Variants in DLG2 observed in about 807,000 individuals in gnomAD.
DLG2 encodes discs large MAGUK scaffold protein 2, also known as disks large homolog 2.
Under a neutral mutation model 132.5 loss-of-function variants are expected in DLG2, and 45 were observed. That is an observed-to-expected ratio of 0.34 (90% CI 0.27 to 0.44). The LOEUF (loss-of-function observed/expected upper bound fraction) is 0.44. Among genes scored for constraint, DLG2 ranks in the 20% least tolerant of loss-of-function variants. DLG2 has a pLI of 1.00. For missense variants in DLG2, 1,045 were observed against 1,196.9 expected (o/e 0.87, Z 1.87); for synonymous variants, 424 against 419.6 (o/e 1.01, Z -0.13).
intron 7 of DLG2, among the ~76,000 whole-genome samples, chr11:84,498,100 T>C (rs1157571048): frequency 2.6e-5 from 4 of 152,186 alleles, no homozygotes; most frequent in Admixed American, 6.5e-5. Context: ...TCACCGCCTA[T>C]CTATCCATGT....
At chr11:83,461,724 T>C (rs2090066708) in intron 27 of DLG2, 1 of 340,048 alleles carries the variant, frequency 2.9e-6, no homozygotes, top group African/African-American at 2.1e-5. Context: ...CAAATCCTTT[T>C]CATGGTAGGA....
At chr11:85,076,267 G>A (rs2066535179) in intron 6 of DLG2, among the ~76,000 whole-genome samples, 1 of 151,918 alleles carries the variant, frequency 6.6e-6, no homozygotes, top group Admixed American at 6.6e-5. Context: ...GAAGCAACAT[G>A]TATTTGGGTT....
intron 6 of DLG2, among the ~76,000 whole-genome samples, chr11:84,773,568 A>T (rs1224709277): frequency 2.0e-5 from 3 of 152,134 alleles, no homozygotes; most frequent in African/African-American, 7.2e-5. Flanking sequence ...AAAAAGCTAA[A>T]CCACCACGAT....
Position 83,711,995 on chromosome 11 carries a change from C to T in DLG2, c.1825+74695G>A, listed in dbSNP as rs541137281. The stretch of plus-strand genomic sequence containing the variant: ...AAAAAGTCAAAAAGCAAAAAACAAA[C>T]AAACAAACAAAAAAACCGGATCTTG... On this transcript the variant is annotated intron_variant, in intron 18 of 27. Transcript: ENST00000376104. Among the ~76,000 whole-genome samples, 12 of 152,066 alleles carry T rather than the reference C, an allele frequency of 7.9e-5. No homozygotes were observed. The East Asian group carries it at 2.3e-3, about 29-fold the overall frequency.
intron 7 of DLG2, among the ~76,000 whole-genome samples, chr11:84,521,301 C>T (rs1049745289): frequency 6.6e-6 from 1 of 152,064 alleles, no homozygotes. Flanking sequence ...ATAAGTGAAC[C>T]TCTGTGATCT....
At chr11:84,958,440 T>A (rs762530601) in intron 6 of DLG2, among the ~76,000 whole-genome samples, 1 of 152,230 alleles carries the variant, frequency 6.6e-6, no homozygotes, top group Non-Finnish European at 1.5e-5. Context: ...TTTAGCTCCT[T>A]GGTCAAAAAC....
At chr11:83,997,312 A>C (rs1483447086) in intron 11 of DLG2, among the ~76,000 whole-genome samples, 1 of 152,130 alleles carries the variant, frequency 6.6e-6, no homozygotes, top group South Asian at 2.1e-4. Context: ...CAAACCTCAC[A>C]AAAAGACCTG....
intron 3 of DLG2, among the ~76,000 whole-genome samples, chr11:85,416,905 T>G (rs939240210): frequency 2.0e-5 from 3 of 152,214 alleles, no homozygotes; most frequent in Non-Finnish European, 2.9e-5. Context: ...CAATTTGACT[T>G]CCTCTCTTCC....
At chr11:85,003,277 G>T (rs964506001) in intron 6 of DLG2, among the ~76,000 whole-genome samples, 1 of 152,054 alleles carries the variant, frequency 6.6e-6, no homozygotes, top group African/African-American at 2.4e-5. Context: ...AAATTTCTGG[G>T]AGAATTGAAT....
At chr11:83,805,470 TATATC>T (rs1360408035) in intron 17 of DLG2, among the ~76,000 whole-genome samples, 2 of 151,990 alleles carry the variant, frequency 1.3e-5, no homozygotes, top group Admixed American at 6.6e-5. Flanking sequence ...TTCTTTTTGA[TATATC>T]ATATATTTGG....
At chr11:84,726,673 C>T (rs2062504880) in intron 6 of DLG2, among the ~76,000 whole-genome samples, 1 of 152,122 alleles carries the variant, frequency 6.6e-6, no homozygotes, top group South Asian at 2.1e-4. Context: ...GTTCTAGATC[C>T]TTGAGGAATT....
chr11:85,137,324 C>A (rs921256071), intron 5 of DLG2, among the ~76,000 whole-genome samples: 1 of 152,044 alleles, frequency 6.6e-6, no homozygotes, highest in African/African-American at 2.4e-5. Flanking sequence ...GGTCATAATA[C>A]CCTTTAGGAA....
At position 83,617,092 on chromosome 11, in the gene DLG2, AT is replaced by A. The variant is rs529892280; in HGVS notation, c.1940+16118del. Among the ~76,000 whole-genome samples the A allele has an allele frequency of 5.3e-5, 8 of 152,126 alleles. No homozygotes were observed. The East Asian group carries it at 1.5e-3, about 29-fold the overall frequency. On this transcript the variant is annotated intron_variant, in intron 19 of 27. Transcript: ENST00000376104. ...CATATAATGTAAATTCTCTGACTTC[AT>A]TTTTCTGTGTTTTGCCTATTGTTGG...
At chr11:85,066,783 A>C (rs762828954) in intron 6 of DLG2, among the ~76,000 whole-genome samples, 8 of 151,746 alleles carry the variant, frequency 5.3e-5, no homozygotes, top group Non-Finnish European at 1.0e-4. Flanking sequence ...GCATCAAAAA[A>C]CGAGCTTCAA....
chr11:84,800,149 G>A (rs1666642966), intron 6 of DLG2, among the ~76,000 whole-genome samples: 1 of 152,160 alleles, frequency 6.6e-6, no homozygotes, highest in African/African-American at 2.4e-5. Flanking sequence ...TTGAACAAGA[G>A]AGTAAGACCC....
At chr11:84,839,365 C>T (rs1024352470) in intron 6 of DLG2, among the ~76,000 whole-genome samples, 11 of 152,080 alleles carry the variant, frequency 7.2e-5, no homozygotes, top group Non-Finnish European at 1.3e-4. Context: ...AATGGAAGAA[C>T]ATTCCATGCT....
intron 3 of DLG2, among the ~76,000 whole-genome samples, chr11:85,424,242 T>G (rs2090543095): frequency 6.6e-6 from 1 of 152,176 alleles, no homozygotes; most frequent in Non-Finnish European, 1.5e-5. Context: ...CTTTCACAAT[T>G]TGGGCACTCA....
intron 6 of DLG2, among the ~76,000 whole-genome samples, chr11:84,792,061 C>T (rs2073927327): frequency 6.6e-6 from 1 of 152,130 alleles, no homozygotes; most frequent in Admixed American, 6.5e-5. Flanking sequence ...ATGATACTAG[C>T]TTTGTGTCTG....
At chr11:85,090,767 T>C (rs143492807) in intron 6 of DLG2, among the ~76,000 whole-genome samples, 30 of 152,336 alleles carry the variant, frequency 2.0e-4, no homozygotes, top group African/African-American at 6.5e-4. Context: ...CATATGAATT[T>C]TTTTGTTTCC....
Sources: allele counts gnomAD v4.1 joint callset (sites outside exome capture counted in the v4.1 genomes callset), GRCh38; gene constraint gnomAD v4.1.1; transcripts MANE v1.5; gene names NCBI Gene and HGNC (gene_info 2026-07-23, HGNC 2026-07-21).